Variants in SORCS3 observed in about 807,000 individuals in gnomAD.
SORCS3 encodes the protein sortilin related VPS10 domain containing receptor 3, also known as VPS10 domain-containing receptor SorCS3.
In SORCS3, 57 loss-of-function variants were observed where a neutral mutation model predicts 146.3. The ratio of observed to expected loss-of-function variants is 0.39; its 90% CI spans 0.31 to 0.49. SORCS3 has a LOEUF of 0.49. Among genes scored for constraint, SORCS3 ranks in the 20% least tolerant of loss-of-function variants. The pLI is 0.92. For missense variants in SORCS3, 1,341 were observed against 1,575.5 expected (o/e 0.85, Z 2.52); for synonymous variants, 653 against 618.5 (o/e 1.06, Z -0.83).
In SORCS3 at chr10:105,245,581, C is replaced by T; in HGVS notation, c.2908C>T (p.Leu970Phe). Residue 970 changes from leucine to phenylalanine, a missense_variant, in exon 21 of 27, where the codon CTT (leucine) becomes TTT (phenylalanine). Leu to Phe is a conservative substitution (Grantham distance 22). Transcript: ENST00000369701. Reference sequence around the variant, plus strand: ...GGACAGCAGCATTTCCTTCACATTCCTTGCAGAAGGAACCGACACCATCAC... The same window carrying T: ...GGACAGCAGCATTTCCTTCACATTCTTTGCAGAAGGAACCGACACCATCAC... ...TLDSSISFTF[L>F]AEGTDTITVQ... 1 of 1,614,086 alleles carries T rather than the reference C, an allele frequency of 6.2e-7. No individual in the cohort carries two copies. The highest frequency in any genetic ancestry group is 1.3e-5 in the African/African-American group (1 of 75,024).
chr10:104,790,652 C>T (rs76621363), intron 1 of SORCS3, among the ~76,000 whole-genome samples: 1,895 of 151,932 alleles, frequency 0.012, 39 homozygotes, highest in African/African-American at 0.043. Flanking sequence ...TGTTTTTTTT[C>T]CCCCTAAAAA....
At chr10:104,908,158 A>T (rs1049640044) in intron 2 of SORCS3, among the ~76,000 whole-genome samples, 1 of 152,178 alleles carries the variant, frequency 6.6e-6, no homozygotes, top group Admixed American at 6.5e-5. Context: ...ATCTCAGTGG[A>T]GTACACCTGA....
At chr10:105,218,583 C>A (rs2056678834) in intron 19 of SORCS3, among the ~76,000 whole-genome samples, 2 of 152,210 alleles carry the variant, frequency 1.3e-5, no homozygotes, top group South Asian at 4.1e-4. Context: ...AGGTCAGAAA[C>A]CCAGGTGGGT....
chr10:105,115,694 A>G (rs953456036), intron 7 of SORCS3, among the ~76,000 whole-genome samples: 18 of 152,146 alleles, frequency 1.2e-4, no homozygotes, highest in Non-Finnish European at 1.5e-5. Flanking sequence ...TTATATACCC[A>G]TCATGGAAGG....
intron 1 of SORCS3, among the ~76,000 whole-genome samples, chr10:104,826,461 G>A (rs972692100): frequency 6.6e-6 from 1 of 152,134 alleles, no homozygotes; most frequent in African/African-American, 2.4e-5. Flanking sequence ...AGTCACACAA[G>A]TTTTTTGGTT....
At chr10:104,781,417 A>G (rs966419630) in intron 1 of SORCS3, among the ~76,000 whole-genome samples, 13 of 152,142 alleles carry the variant, frequency 8.5e-5, no homozygotes, top group African/African-American at 2.2e-4. Flanking sequence ...TTTCACATCA[A>G]TCACCTCCTT....
At chr10:105,188,880 G>A (rs2056495954) in intron 14 of SORCS3, among the ~76,000 whole-genome samples, 1 of 152,226 alleles carries the variant, frequency 6.6e-6, no homozygotes, top group Non-Finnish European at 1.5e-5. Flanking sequence ...GTCGGGATTT[G>A]TGGTTACCTA....
chr10:105,090,649 C>T (rs1008734044), intron 6 of SORCS3, among the ~76,000 whole-genome samples: 3 of 152,084 alleles, frequency 2.0e-5, no homozygotes, highest in African/African-American at 7.2e-5. Flanking sequence ...AGAACAAGCA[C>T]CTGTCTGTGA....
At chr10:104,736,861 A>G (rs1184690045) in intron 1 of SORCS3, among the ~76,000 whole-genome samples, 2 of 151,702 alleles carry the variant, frequency 1.3e-5, no homozygotes, top group Non-Finnish European at 2.9e-5. Context: ...TACATGTGCC[A>G]TGCTGGTGTG....
intron 1 of SORCS3, among the ~76,000 whole-genome samples, chr10:104,714,359 A>T (rs1035224962): frequency 3.4e-4 from 52 of 151,984 alleles, no homozygotes; most frequent in African/African-American, 1.1e-3. Flanking sequence ...CATTGATTTT[A>T]TAGCTTTCTT....
chr10:104,642,460 G>T (rs1441950547), intron 1 of SORCS3, among the ~76,000 whole-genome samples: 2 of 131,742 alleles, frequency 1.5e-5, no homozygotes, highest in Admixed American at 9.4e-5. Flanking sequence ...TGCTCGCCTC[G>T]GGGTCGCTGC....
intron 14 of SORCS3, among the ~76,000 whole-genome samples, chr10:105,194,688 G>A (rs966206959): frequency 2.6e-5 from 4 of 152,090 alleles, no homozygotes; most frequent in African/African-American, 9.7e-5. Context: ...GGTTCCGTAG[G>A]ATACAGAGAA....
chr10:104,796,875 A>C (rs1361873139), intron 1 of SORCS3, among the ~76,000 whole-genome samples: 4 of 152,124 alleles, frequency 2.6e-5, no homozygotes. Flanking sequence ...GCACAGACAC[A>C]CTCCAGACTA....
intron 2 of SORCS3, among the ~76,000 whole-genome samples, chr10:104,894,932 G>A (rs952589073): frequency 2.6e-5 from 4 of 152,210 alleles, no homozygotes; most frequent in Non-Finnish European, 4.4e-5. Flanking sequence ...TCATGGGAGA[G>A]GCTAGAGCTG....
At chr10:104,750,874 G>A (rs952544291) in intron 1 of SORCS3, among the ~76,000 whole-genome samples, 2 of 152,120 alleles carry the variant, frequency 1.3e-5, no homozygotes, top group African/African-American at 4.8e-5. Flanking sequence ...AACTCACAAA[G>A]CCTTAATCTA....
At chr10:105,086,855 T>C (rs1262712748) in intron 5 of SORCS3, among the ~76,000 whole-genome samples, 3 of 152,254 alleles carry the variant, frequency 2.0e-5, no homozygotes, top group African/African-American at 7.2e-5. Flanking sequence ...TCCCGTTCTG[T>C]AGGTTGCCTG....
At chr10:105,085,858 C>T (rs990913970) in intron 5 of SORCS3, among the ~76,000 whole-genome samples, 1 of 152,110 alleles carries the variant, frequency 6.6e-6, no homozygotes, top group Non-Finnish European at 1.5e-5. Flanking sequence ...GTGTGTGAAG[C>T]TGCACACATG....
chr10:105,256,877 A>T lies in SORCS3; in HGVS notation c.3396A>T (p.Ser1132=). The T allele has an allele frequency of 6.2e-7, 1 of 1,614,158 alleles. No homozygotes were observed. Among genetic ancestry groups the T allele is most frequent in the Admixed American group, 1.7e-5 (1 of 60,026 alleles). ...HSSSAMLMLL[S]VVFVGLAVFL... Reference sequence around the variant, plus strand: ...GCTCAGCCATGCTTATGCTATTATCAGTGGTATTTGTTGGCCTGGCTGTGT... The same window carrying T: ...GCTCAGCCATGCTTATGCTATTATCTGTGGTATTTGTTGGCCTGGCTGTGT... Residue 1132 remains serine, a synonymous_variant, in exon 25 of 27, where the codon TCA becomes TCT. Coordinates refer to ENST00000369701, the MANE Select transcript of SORCS3 (RefSeq NM_014978.3).
At chr10:105,221,283 C>T (rs2056700923) in intron 19 of SORCS3, among the ~76,000 whole-genome samples, 1 of 152,148 alleles carries the variant, frequency 6.6e-6, no homozygotes, top group South Asian at 2.1e-4. Context: ...CTTTCCCCTT[C>T]AACATAAAAT....
Sources: allele counts gnomAD v4.1 joint callset (sites outside exome capture counted in the v4.1 genomes callset), GRCh38; gene constraint gnomAD v4.1.1; transcripts MANE v1.5; gene names NCBI Gene and HGNC (gene_info 2026-07-23, HGNC 2026-07-21).